The following HS6ST3 variants were observed in gnomAD, a reference collection of about 807,000 sequenced individuals.
The protein encoded by HS6ST3 is heparan sulfate 6-O-sulfotransferase 3, also known as heparan-sulfate 6-O-sulfotransferase 3.
HS6ST3 carries 12 observed loss-of-function variants against 36.7 expected under a neutral mutation model. That is an observed-to-expected ratio of 0.33 (90% CI 0.21 to 0.53). The LOEUF (loss-of-function observed/expected upper bound fraction) is 0.53. HS6ST3 is among the 20% of genes least tolerant of loss of function. The pLI, the probability that HS6ST3 is intolerant of heterozygous loss-of-function variation, is 0.95. For synonymous variants in HS6ST3, 240 were observed against 257.5 expected (o/e 0.93, Z 0.65); for missense variants, 584 against 640.9 (o/e 0.91, Z 0.96).
intron 1 of HS6ST3, among the ~76,000 whole-genome samples, chr13:96,229,533 C>G (rs1017196877): frequency 1.3e-5 from 2 of 152,100 alleles, no homozygotes; most frequent in African/African-American, 4.8e-5. Context: ...GGAAACCCGC[C>G]CTCTAGTGTC....
chr13:96,408,938 G>C (rs1469652906), intron 1 of HS6ST3, among the ~76,000 whole-genome samples: 2 of 151,920 alleles, frequency 1.3e-5, no homozygotes, highest in Admixed American at 6.6e-5. Context: ...AAAAAGAAAA[G>C]AAAAGAAAAG....
At chr13:96,586,911 T>C (rs2056363517) in intron 1 of HS6ST3, among the ~76,000 whole-genome samples, 1 of 152,186 alleles carries the variant, frequency 6.6e-6, no homozygotes. Context: ...CCTAATATTC[T>C]TCTAATAGTT....
chr13:96,095,831 T>A (rs2053787487), intron 1 of HS6ST3, among the ~76,000 whole-genome samples: 1 of 151,382 alleles, frequency 6.6e-6, no homozygotes, highest in African/African-American at 2.4e-5. Flanking sequence ...GTTATCTGAC[T>A]CACCTTGTAT....
intron 1 of HS6ST3, among the ~76,000 whole-genome samples, chr13:96,541,895 A>G (rs1419070027): frequency 6.6e-6 from 1 of 152,246 alleles, no homozygotes; most frequent in Non-Finnish European, 1.5e-5. Flanking sequence ...AAGCAGTTCC[A>G]CAATTTACCA....
intron 1 of HS6ST3, among the ~76,000 whole-genome samples, chr13:96,128,115 A>G (rs1239157353): frequency 2.0e-5 from 3 of 152,212 alleles, no homozygotes; most frequent in Non-Finnish European, 4.4e-5. Context: ...GTACTGGGCT[A>G]AGTTAGAAAG....
At position 96,803,192 on chromosome 13, in the gene HS6ST3, T is replaced by A. The variant is rs1188174286; in HGVS notation, c.708-29298T>A. 2.6e-5 allele frequency among the ~76,000 whole-genome samples: 4 copies of A among 152,324 alleles called. No homozygotes were observed. In the East Asian group the frequency reaches 5.8e-4, roughly 22 times the overall value. On this transcript the variant is annotated intron_variant, in intron 1 of 1. Transcript: ENST00000376705. ...CTGGACAAGTGTTTGTTGATGCCAG[T>A]GTTGCATGTCAAAATTGTTCAGCCT...
Position 96,834,339 on chromosome 13 carries a change from A to T in HS6ST3, c.*1141A>T, listed in dbSNP as rs1878876653. ...GGATGGTTATCACAGGAGTTTAGAA[A>T]GACTCTGCCTCCCAGCATCTTGAAT... is the stretch of plus-strand genomic sequence containing the variant. On this transcript the variant is annotated 3_prime_UTR_variant, in exon 2 of 2. Transcript: ENST00000376705. 6.6e-6 allele frequency: 1 copy of T among 152,208 alleles called. No individual in the cohort carries two copies. The highest frequency in any genetic ancestry group is 1.5e-5 in the Non-Finnish European group (1 of 68,034). 9.4% of individuals were successfully genotyped at this position (152,208 alleles called of 1,614,324 possible).
intron 1 of HS6ST3, among the ~76,000 whole-genome samples, chr13:96,125,537 A>C (rs1012798168): frequency 1.2e-4 from 19 of 152,062 alleles, no homozygotes; most frequent in African/African-American, 4.6e-4. Flanking sequence ...CTATCATACT[A>C]TATCTTCATA....
At position 96,708,409 on chromosome 13, in the gene HS6ST3, A is replaced by G. The variant is rs150824310; in HGVS notation, c.708-124081A>G. On this transcript the variant is annotated intron_variant, in intron 1 of 1. Coordinates refer to ENST00000376705, the MANE Select transcript of HS6ST3 (RefSeq NM_153456.4). ...GCATGTCCAACTTGAGAATACCCCA[A>G]TCTCTTTCTCTGACCTCTGGCAGGC... Among the ~76,000 whole-genome samples the G allele has an allele frequency of 7.6e-4, 116 of 152,278 alleles. No individual in the cohort carries two copies. The East Asian group carries it at 0.015, about 20-fold the overall frequency.
chr13:96,674,086 C>A (rs2056691053), intron 1 of HS6ST3, among the ~76,000 whole-genome samples: 1 of 152,056 alleles, frequency 6.6e-6, no homozygotes, highest in Admixed American at 6.6e-5. Context: ...GAATTGTAAT[C>A]CCCATTGTTG....
intron 1 of HS6ST3, among the ~76,000 whole-genome samples, chr13:96,619,377 A>G (rs1217299975): frequency 2.0e-5 from 3 of 152,158 alleles, no homozygotes; most frequent in African/African-American, 4.8e-5. Flanking sequence ...TGGAATGTAG[A>G]GTTATCTGAC....
chr13:96,113,338 A>C (rs531747825), intron 1 of HS6ST3, among the ~76,000 whole-genome samples: 90 of 152,146 alleles, frequency 5.9e-4, no homozygotes, highest in Non-Finnish European at 1.1e-3. Context: ...GTTTTCTAGA[A>C]GTTTGGAAAG....
intron 1 of HS6ST3, among the ~76,000 whole-genome samples, chr13:96,507,674 A>T (rs1318350337): frequency 6.6e-6 from 1 of 151,988 alleles, no homozygotes; most frequent in East Asian, 1.9e-4. Context: ...TAATAATAAC[A>T]TTATTATCTC....
At chr13:96,397,429 A>G (rs1483833944) in intron 1 of HS6ST3, among the ~76,000 whole-genome samples, 1 of 152,032 alleles carries the variant, frequency 6.6e-6, no homozygotes, top group African/African-American at 2.4e-5. Flanking sequence ...AATACTTTAC[A>G]TTTTCACAAA....
At chr13:96,328,946 T>C (rs2055048605) in intron 1 of HS6ST3, among the ~76,000 whole-genome samples, 1 of 151,940 alleles carries the variant, frequency 6.6e-6, no homozygotes, top group African/African-American at 2.4e-5. Flanking sequence ...CCATTTCTTC[T>C]AGATTTTCTA....
intron 1 of HS6ST3, among the ~76,000 whole-genome samples, chr13:96,153,796 T>G (rs1311535441): frequency 6.6e-6 from 1 of 152,246 alleles, no homozygotes; most frequent in Non-Finnish European, 1.5e-5. Flanking sequence ...AGGTATCAGT[T>G]GAGGAATTTC....
In HS6ST3 at chr13:96,459,100, T is replaced by TAAAAAAAAAAAAAAA. The variant is rs747439262; in HGVS notation, c.707+367542_707+367556dup. Among the ~76,000 whole-genome samples the TAAAAAAAAAAAAAAA allele has an allele frequency of 8.9e-4, 57 of 63,880 alleles. 6 individuals are homozygous for TAAAAAAAAAAAAAAA. The highest frequency in any genetic ancestry group is 3.1e-3 in the African/African-American group (35 of 11,140). 41.9% of individuals were successfully genotyped at this position (63,880 alleles called of 152,430 possible). A position where few individuals can be genotyped will look rare whatever the true frequency, so the allele number is the denominator to read the frequency against. ...GCCTGGGCGACAGAGCAAGACTGTC[T>TAAAAAAAAAAAAAAA]AAAAAAAAAAAAAAAAAAAAAAAAA... On this transcript the variant is annotated intron_variant, in intron 1 of 1. Coordinates refer to ENST00000376705, the MANE Select transcript of HS6ST3 (RefSeq NM_153456.4).
At chr13:96,384,977 C>T (rs1449964887) in intron 1 of HS6ST3, among the ~76,000 whole-genome samples, 3 of 151,928 alleles carry the variant, frequency 2.0e-5, no homozygotes, top group Admixed American at 1.3e-4. Context: ...GTTGGGAGTT[C>T]GAGACCAACC....
Position 96,572,513 on chromosome 13 carries a change from T to C in HS6ST3, c.708-259977T>C, listed in dbSNP as rs1404077823. Among the ~76,000 whole-genome samples, 7 of 152,204 alleles carry C rather than the reference T, an allele frequency of 4.6e-5. No individual in the cohort carries two copies. The East Asian group carries it at 1.2e-3, about 25-fold the overall frequency. On this transcript the variant is annotated intron_variant, in intron 1 of 1. Coordinates refer to ENST00000376705, the MANE Select transcript of HS6ST3 (RefSeq NM_153456.4). ...TCAGTTATTAAAATAGGCCCTACAG[T>C]AGATATATCTGGCAGTATTTTAGTG...
Sources: allele counts gnomAD v4.1 joint callset (sites outside exome capture counted in the v4.1 genomes callset), GRCh38; gene constraint gnomAD v4.1.1; transcripts MANE v1.5; gene names NCBI Gene and HGNC (gene_info 2026-07-23, HGNC 2026-07-21).